Variants in MYL12A observed in about 807,000 individuals in gnomAD.
MYL12A encodes the protein myosin regulatory light chain 12A.
In MYL12A, 11 loss-of-function variants were observed where a neutral mutation model predicts 13.3. The ratio of observed to expected loss-of-function variants is 0.83; its 90% CI spans 0.52 to 1.37. MYL12A has a LOEUF of 1.37. MYL12A is among the 40% of genes most tolerant of loss of function. MYL12A has a pLI of 0.00. For missense variants in MYL12A, 146 were observed against 212.3 expected, an observed-to-expected ratio of 0.69 and a Z score of 1.94; for synonymous variants, 51 against 69.9, an observed-to-expected ratio of 0.73 and a Z score of 1.35.
chr18:3,252,363 T>G, intron 1 of MYL12A: 1 of 1,528,596 alleles, frequency 6.5e-7, no homozygotes, highest in Non-Finnish European at 8.8e-7. Context: ...CTGAGATTTT[T>G]AACTTGAAAC....
intron 3 of MYL12A, among the ~76,000 whole-genome samples, chr18:3,254,283 C>G (rs2081516834): frequency 6.6e-6 from 1 of 152,128 alleles, no homozygotes; most frequent in Non-Finnish European, 1.5e-5. Flanking sequence ...TTACCCCTTT[C>G]CTACCATGTT....
rs756265961 is a variant in MYL12A, at chr18:3,253,277, C to G, written c.30C>G (p.Thr10=). Residue 10 remains threonine, a synonymous_variant, in exon 2 of 4, where the codon ACC becomes ACG. Coordinates refer to ENST00000217652, the MANE Select transcript of MYL12A (RefSeq NM_006471.4). MSSKRTKTK[T]KKRPQRATSN... Reference sequence around the variant, plus strand: ...CGAGCAAAAGAACAAAGACCAAGACCAAGAAGCGCCCTCAGCGTGCAACAT... The same window carrying G: ...CGAGCAAAAGAACAAAGACCAAGACGAAGAAGCGCCCTCAGCGTGCAACAT... 2 of 1,613,620 alleles carry G rather than the reference C, an allele frequency of 1.2e-6. No individual in the cohort carries two copies. The highest frequency in any genetic ancestry group is 1.3e-5 in the African/African-American group (1 of 74,890).
chr18:3,251,410 T>A (rs2081484340), intron 1 of MYL12A, among the ~76,000 whole-genome samples: 1 of 152,216 alleles, frequency 6.6e-6, no homozygotes, highest in South Asian at 2.1e-4. Context: ...CATTTCTGCA[T>A]CATTAGGGAA....
At chr18:3,251,149 A>T (rs2081481517) in intron 1 of MYL12A, among the ~76,000 whole-genome samples, 1 of 152,128 alleles carries the variant, frequency 6.6e-6, no homozygotes, top group Non-Finnish European at 1.5e-5. Context: ...CCCAAAAAAA[A>T]AAAAAAGCTT....
intron 3 of MYL12A, chr18:3,255,520 G>GAATGATAGAGCA (rs1462183188): frequency 1.6e-5 from 7 of 436,000 alleles, no homozygotes; most frequent in Non-Finnish European, 2.8e-5. Flanking sequence ...TGTGGAGGCA[G>GAATGATAGAGCA]AATGATAGAG....
Position 3,247,844 on chromosome 18 carries a change from G to T in MYL12A, c.-81G>T, listed in dbSNP as rs1019315497. The T allele has an allele frequency of 1.2e-4, 19 of 152,242 alleles. No individual in the cohort carries two copies. Among genetic ancestry groups the T allele is most frequent in the Non-Finnish European group, 1.6e-4 (11 of 68,074 alleles). 9.4% of individuals were successfully genotyped at this position (152,242 alleles called of 1,614,324 possible). ...GTGGTTTTTAGCGGCTCTCTGGGTA[G>T]CAGGGTGGTGTGATAGCGGCAGCGA... On this transcript the variant is annotated 5_prime_UTR_variant, in exon 1 of 4. Coordinates refer to ENST00000217652, the MANE Select transcript of MYL12A (RefSeq NM_006471.4).
Position 3,255,890 on chromosome 18 carries a change from A to T in MYL12A, c.488A>T (p.Lys163Ile). 1 of 1,614,006 alleles carries T rather than the reference A, an allele frequency of 6.2e-7. No individual in the cohort carries two copies. Among genetic ancestry groups the T allele is most frequent in the Non-Finnish European group, 8.5e-7 (1 of 1,179,990 alleles). ...TACATCGAGTTCACACGCATCCTGAAACATGGAGCCAAAGACAAAGATGAC... is the reference window on the plus strand; with the variant it reads ...TACATCGAGTTCACACGCATCCTGATACATGGAGCCAAAGACAAAGATGAC... Reference protein sequence around the residue: ...FNYIEFTRILKHGAKDKDD With the variant: ...FNYIEFTRILIHGAKDKDD Residue 163 changes from lysine (K) to isoleucine (I), a missense_variant, in exon 4 of 4, where the codon AAA becomes ATA. Lys to Ile is a moderately radical substitution (Grantham distance 102). Coordinates refer to ENST00000217652, the MANE Select transcript of MYL12A (RefSeq NM_006471.4).
intron 1 of MYL12A, among the ~76,000 whole-genome samples, chr18:3,251,853 CA>C (rs375489269): frequency 5.7e-4 from 87 of 152,232 alleles, no homozygotes; most frequent in African/African-American, 2.1e-3. Context: ...TTCCAGTTGC[CA>C]TACGGTGCTG....
chr18:3,256,079 T>C lies in MYL12A; in HGVS notation c.*161T>C, dbSNP rs2081535234. 1 of 848,442 alleles carries C rather than the reference T, an allele frequency of 1.2e-6. No individual in the cohort carries two copies. The highest frequency in any genetic ancestry group is 1.8e-6 in the Non-Finnish European group (1 of 554,364). 52.6% of individuals were successfully genotyped at this position (848,442 alleles called of 1,614,324 possible). On this transcript the variant is annotated 3_prime_UTR_variant, in exon 4 of 4. Transcript: ENST00000217652. ...TTTATAATCAGACTGGAAACGGGAC[T>C]TTCTATTAATATCATTTTCAGAATA...
At position 3,256,168 on chromosome 18, in the gene MYL12A, A is replaced by G. The variant is rs1316345088; in HGVS notation, c.*250A>G. On this transcript the variant is annotated 3_prime_UTR_variant, in exon 4 of 4. Coordinates refer to ENST00000217652, the MANE Select transcript of MYL12A (RefSeq NM_006471.4). ...AATAACTGTGGTCTATACAGAGTCA[A>G]TATATTTTTTCAGAGAAAGTTATTC... The G allele has an allele frequency of 7.8e-6, 3 of 386,974 alleles. No homozygotes were observed. Among genetic ancestry groups the G allele is most frequent in the Non-Finnish European group, 9.1e-6 (2 of 220,422 alleles). The allele number at this position is 386,974 out of a possible 1,614,324, so 24.0% of individuals were successfully genotyped here.
At chr18:3,251,265 CA>C (rs1172344871) in intron 1 of MYL12A, among the ~76,000 whole-genome samples, 1 of 151,810 alleles carries the variant, frequency 6.6e-6, no homozygotes, top group Non-Finnish European at 1.5e-5. Flanking sequence ...ACTTTACAAC[CA>C]AAACTAAGCA....
intron 1 of MYL12A, among the ~76,000 whole-genome samples, chr18:3,251,149 A>G (rs2081481517): frequency 6.6e-6 from 1 of 152,128 alleles, no homozygotes; most frequent in African/African-American, 2.4e-5. Context: ...CCCAAAAAAA[A>G]AAAAAAGCTT....
intron 2 of MYL12A, chr18:3,253,636 G>A (rs573746647): frequency 1.5e-6 from 1 of 667,424 alleles, no homozygotes. Flanking sequence ...GTGTGTGTGT[G>A]TATAAAAACA....
At chr18:3,252,527 A>T in intron 1 of MYL12A, 1 of 1,173,202 alleles carries the variant, frequency 8.5e-7, no homozygotes, top group Admixed American at 3.3e-5. Context: ...GTTTTCTAAA[A>T]CTTTTAAAAT....
chr18:3,253,874 C>T lies in MYL12A; in HGVS notation c.182-15C>T. 6.3e-7 allele frequency: 1 copy of T among 1,589,722 alleles called. No homozygotes were observed. The highest frequency in any genetic ancestry group is 8.5e-7 in the Non-Finnish European group (1 of 1,173,044). ...TGTAATGTAATTAAAATTATGACCC[C>T]TTTTAAAAATTTAGGGAAGAATCCA... On this transcript the variant is annotated splice_polypyrimidine_tract_variant and intron_variant, in intron 2 of 3. Coordinates refer to ENST00000217652, the MANE Select transcript of MYL12A (RefSeq NM_006471.4).
At position 3,255,777 on chromosome 18, in the gene MYL12A, G is replaced by C. The variant is rs538296948; in HGVS notation, c.375G>C (p.Leu125=). The change falls in exon 4 of 4, where the codon CTG becomes CTC. Residue 125 remains leucine (L), a synonymous_variant. Coordinates refer to ENST00000217652, the MANE Select transcript of MYL12A (RefSeq NM_006471.4). ...TACAGGAAGATTACTTGAGAGAGCT[G>C]CTGACAACCATGGGGGATCGGTTTA... ...GTIQEDYLRE[L]LTTMGDRFTD... is the part of the protein sequence containing the mutation. The C allele has an allele frequency of 2.5e-6, 4 of 1,613,952 alleles. No homozygotes were observed. In the Admixed American group the frequency reaches 6.7e-5, roughly 27 times the overall value.
At chr18:3,252,626 GGA>G in intron 1 of MYL12A, 1 of 435,326 alleles carries the variant, frequency 2.3e-6, no homozygotes, top group Admixed American at 4.4e-5. Context: ...AAACTGGTTT[GGA>G]TAGAGTGCAA....
Position 3,253,290 on chromosome 18 carries a change from C to T in MYL12A, c.43C>T (p.Gln15Ter). 6.2e-7 allele frequency: 1 copy of T among 1,614,066 alleles called. No homozygotes were observed. Among genetic ancestry groups the T allele is most frequent in the East Asian group, 2.2e-5 (1 of 44,882 alleles). The change falls in exon 2 of 4, where the codon CAG (glutamine) becomes TAG (stop). Residue 15 changes from glutamine to a stop codon, truncating the protein, a stop_gained. Transcript: ENST00000217652. LOFTEE classifies it high-confidence loss of function. ...AAAGACCAAGACCAAGAAGCGCCCT[C>T]AGCGTGCAACATCCAATGTGTTTGC... ...RTKTKTKKRP[Q>*]RATSNVFAMF...
At chr18:3,252,076 C>T in intron 1 of MYL12A, 1 of 405,588 alleles carries the variant, frequency 2.5e-6, no homozygotes, top group Non-Finnish European at 4.4e-6. Context: ...CTTTGGAGTG[C>T]TGAGATCTAG....
Sources: allele counts gnomAD v4.1 joint callset (sites outside exome capture counted in the v4.1 genomes callset), GRCh38; gene constraint gnomAD v4.1.1; transcripts MANE v1.5; gene names NCBI Gene and HGNC (gene_info 2026-07-23, HGNC 2026-07-21).